TMEM17: variants seen among roughly 807,000 people sequenced by gnomAD.
TMEM17 encodes transmembrane protein 17.
Under a neutral mutation model 19.1 loss-of-function variants are expected in TMEM17, and 15 were observed. That is an observed-to-expected ratio of 0.78 (90% CI 0.52 to 1.21). The LOEUF (loss-of-function observed/expected upper bound fraction) is 1.21. TMEM17 is among the 50% of genes most tolerant of loss of function. TMEM17 has a pLI of 0.00. For synonymous variants in TMEM17, 103 were observed against 86.9 expected (o/e 1.19, Z -1.03); for missense variants, 245 against 242.3 (o/e 1.01, Z -0.07).
chr2:62,455,731 C>A, the TMEM17 span, among the ~76,000 whole-genome samples: 1 of 152,198 alleles, frequency 6.6e-6, no homozygotes, highest in Non-Finnish European at 1.5e-5. Flanking sequence ...TGCACCACTG[C>A]ACGCCAGCCT....
the TMEM17 span, among the ~76,000 whole-genome samples, chr2:62,470,741 C>T: frequency 2.6e-5 from 4 of 152,330 alleles, no homozygotes; most frequent in Admixed American, 6.5e-5. Flanking sequence ...TCCCAAAGAA[C>T]GGTCCAGGGG....
the TMEM17 span, among the ~76,000 whole-genome samples, chr2:62,482,552 G>T: frequency 6.6e-6 from 1 of 152,150 alleles, no homozygotes; most frequent in Non-Finnish European, 1.5e-5. Flanking sequence ...CATGTATCCA[G>T]GCTTGGTCAG....
intron 3 of TMEM17, 44 bp from the exon 4 acceptor site, chr2:62,501,531 A>G (rs1244774124): frequency 3.8e-6 from 6 of 1,566,618 alleles, no homozygotes; most frequent in Non-Finnish European, 5.2e-6. Context: ...AGTAAAATAC[A>G]GTTTCTGTTT....
chr2:62,477,912 G>A, the TMEM17 span, among the ~76,000 whole-genome samples: 2 of 152,194 alleles, frequency 1.3e-5, no homozygotes, highest in Non-Finnish European at 2.9e-5. Context: ...TCATGTAGTG[G>A]CAGCTCCTGG....
the TMEM17 span, among the ~76,000 whole-genome samples, chr2:62,468,439 C>T: frequency 6.6e-6 from 1 of 152,228 alleles, no homozygotes; most frequent in Admixed American, 6.5e-5. Context: ...AAGGGACAGT[C>T]ATCTTTGGCC....
At chr2:62,464,275 C>A in the TMEM17 span, among the ~76,000 whole-genome samples, 714 of 152,336 alleles carry the variant, frequency 4.7e-3, 3 homozygotes, top group African/African-American at 0.017. Flanking sequence ...TGTAACACGC[C>A]CTGTGGGGCT....
At position 62,501,218 on chromosome 2, in the gene TMEM17, T is replaced by C. The variant is rs1440836685; in HGVS notation, c.588A>G (p.Glu196=). 3.1e-6 allele frequency: 5 copies of C among 1,614,142 alleles called. No individual in the cohort carries two copies. In the African/African-American group the frequency reaches 5.3e-5, roughly 17 times the overall value. The change falls in exon 4 of 4, where the codon GAA becomes GAG. Residue 196 remains glutamate (E), a synonymous_variant. Coordinates refer to ENST00000335390, the MANE Select transcript of TMEM17 (RefSeq NM_198276.3). ...GDMRRMRSCI[E]EI is the part of the protein sequence containing the mutation. ...ACTCAACAACACTGGATCAGATCTC[T>C]TCTATACATGACCTCATCCTTCTCA... is the stretch of plus-strand genomic sequence containing the variant.
chr2:62,462,193 A>G, the TMEM17 span, among the ~76,000 whole-genome samples: 2 of 152,250 alleles, frequency 1.3e-5, no homozygotes, highest in South Asian at 4.1e-4. Context: ...GTGCATCTCC[A>G]TAAACACCCA....
At chr2:62,495,233 G>A (rs919327412), downstream of TMEM17, among the ~76,000 whole-genome samples, 2 of 152,152 alleles carry the variant, frequency 1.3e-5, no homozygotes, top group African/African-American at 4.8e-5. Context: ...GTTCCATGCT[G>A]TCCTACGATT....
the TMEM17 span, among the ~76,000 whole-genome samples, chr2:62,475,712 T>C: frequency 6.6e-6 from 1 of 152,226 alleles, no homozygotes; most frequent in Non-Finnish European, 1.5e-5. Flanking sequence ...TTGCGGCCAC[T>C]TGAATGCCAG....
At chr2:62,496,945 C>A (rs1318545903), downstream of TMEM17, among the ~76,000 whole-genome samples, 1 of 152,096 alleles carries the variant, frequency 6.6e-6, no homozygotes, top group Admixed American at 6.5e-5. Flanking sequence ...CAGAGCAAGA[C>A]CCAGTCTCTA....
chr2:62,499,254 G>A (rs1280673269), downstream of TMEM17, among the ~76,000 whole-genome samples: 1 of 152,068 alleles, frequency 6.6e-6, no homozygotes, highest in East Asian at 1.9e-4. Flanking sequence ...AAGTTTAAAT[G>A]TACCAGAAGT....
chr2:62,468,447 G>A, the TMEM17 span, among the ~76,000 whole-genome samples: 1 of 152,208 alleles, frequency 6.6e-6, no homozygotes, highest in South Asian at 2.1e-4. Flanking sequence ...GTCATCTTTG[G>A]CCCCTTAAAA....
In TMEM17 at chr2:62,506,012, C is replaced by G. The variant is rs532559836; in HGVS notation, c.100+18G>C. Reference sequence around the variant, plus strand: ...CCTCGGCAGGCCACACCCCCTGCACCGGGCCTCGGTCACTCACCCGGACCC... The same window carrying G: ...CCTCGGCAGGCCACACCCCCTGCACGGGGCCTCGGTCACTCACCCGGACCC... On this transcript the variant is annotated intron_variant, in intron 1 of 3. Transcript: ENST00000335390. The G allele has an allele frequency of 6.3e-7, 1 of 1,599,116 alleles. No individual in the cohort carries two copies. Among genetic ancestry groups the G allele is most frequent in the Non-Finnish European group, 8.5e-7 (1 of 1,172,046 alleles).
At chr2:62,465,985 T>C in the TMEM17 span, among the ~76,000 whole-genome samples, 1 of 152,052 alleles carries the variant, frequency 6.6e-6, no homozygotes, top group Non-Finnish European at 1.5e-5. Flanking sequence ...CCAGTTTTAG[T>C]TGGAGAAAGG....
the TMEM17 span, among the ~76,000 whole-genome samples, chr2:62,494,176 T>C: frequency 6.6e-6 from 1 of 152,242 alleles, no homozygotes; most frequent in Non-Finnish European, 1.5e-5. Flanking sequence ...GGATGACATA[T>C]TGTTGTAGCT....
At chr2:62,453,793 G>C in the TMEM17 span, among the ~76,000 whole-genome samples, 1 of 152,204 alleles carries the variant, frequency 6.6e-6, no homozygotes, top group Admixed American at 6.5e-5. Flanking sequence ...TCTTAAATAT[G>C]GTTCTCACCC....
the TMEM17 span, among the ~76,000 whole-genome samples, chr2:62,462,028 C>T: frequency 1.3e-5 from 2 of 152,244 alleles, no homozygotes; most frequent in African/African-American, 4.8e-5. Context: ...GAATTGGAAA[C>T]TGAAGTCTGC....
chr2:62,467,558 A>G, the TMEM17 span, among the ~76,000 whole-genome samples: 119,632 of 152,178 alleles, frequency 0.79, 47,002 homozygotes, highest in Admixed American at 0.85. Context: ...CCAACTGAGC[A>G]CTTGTCTCTT....
Sources: allele counts gnomAD v4.1 joint callset (sites outside exome capture counted in the v4.1 genomes callset), GRCh38; gene constraint gnomAD v4.1.1; transcripts MANE v1.5; gene names NCBI Gene and HGNC (gene_info 2026-07-23, HGNC 2026-07-21).